The following STMND1 variants were observed in gnomAD, a reference collection of about 807,000 sequenced individuals.
The protein encoded by STMND1 is stathmin domain containing 1.
STMND1 carries 17 observed loss-of-function variants against 23.0 expected under a neutral mutation model. The observed-to-expected ratio is 0.74, with a 90% CI of 0.51 to 1.11. The LOEUF (loss-of-function observed/expected upper bound fraction) is 1.11, where lower values mean the gene tolerates loss of function less well. Among genes scored for constraint, STMND1 ranks in the 50% least tolerant of loss-of-function variants. STMND1 has a pLI of 0.00. For missense variants in STMND1, 305 were observed against 329.1 expected (o/e 0.93, Z 0.57); for synonymous variants, 114 against 119.9 (o/e 0.95, Z 0.32).
chr6:17,127,511 A>G (rs1045390494), intron 3 of STMND1, among the ~76,000 whole-genome samples: 1 of 152,108 alleles, frequency 6.6e-6, no homozygotes, highest in Non-Finnish European at 1.5e-5. Flanking sequence ...GATCGTGTCA[A>G]TGCACTCCAG....
At chr6:17,103,595 G>A (rs530718386) in intron 1 of STMND1, among the ~76,000 whole-genome samples, 1 of 121,248 alleles carries the variant, frequency 8.2e-6, no homozygotes, top group African/African-American at 3.3e-5. Flanking sequence ...TTTTTGAGAC[G>A]GAGTCTTGCT....
At chr6:17,119,221 C>T (rs933974358) in intron 2 of STMND1, among the ~76,000 whole-genome samples, 1 of 152,154 alleles carries the variant, frequency 6.6e-6, no homozygotes, top group African/African-American at 2.4e-5. Context: ...CAGCACTGGA[C>T]AGATACTAAG....
intron 2 of STMND1, among the ~76,000 whole-genome samples, chr6:17,115,957 T>G (rs1761153843): frequency 6.6e-6 from 1 of 152,234 alleles, no homozygotes; most frequent in African/African-American, 2.4e-5. Context: ...CAGCGTGACC[T>G]CAGAGAATGA....
chr6:17,110,662 G>A, intron 1 of STMND1: 1 of 364,240 alleles, frequency 2.7e-6, no homozygotes, highest in Non-Finnish European at 5.4e-6. Context: ...CAGCTACTCA[G>A]AAGGCTGAGG....
chr6:17,122,347 T>C (rs1257631730), intron 3 of STMND1, among the ~76,000 whole-genome samples: 2 of 150,342 alleles, frequency 1.3e-5, no homozygotes, highest in Non-Finnish European at 3.0e-5. Flanking sequence ...GAAATAACAA[T>C]GAAAAGAAGC....
At position 17,130,761 on chromosome 6, in the gene STMND1, A is replaced by G; in HGVS notation, c.711A>G (p.Pro237=). The change falls in exon 5 of 5, where the codon CCA becomes CCG. Residue 237 remains proline, a synonymous_variant. Coordinates refer to ENST00000536551, the MANE Select transcript of STMND1 (RefSeq NM_001190766.2). ...CATCTGACCTGCAGGGAGGAAAACC[A>G]TTGAAGAGGAAGAAGAGTAAATGTG... ...FEPSDLQGGK[P]LKRKKSKCDA... 6.5e-7 allele frequency: 1 copy of G among 1,536,110 alleles called. No individual in the cohort carries two copies. Among genetic ancestry groups the G allele is most frequent in the South Asian group, 1.2e-5 (1 of 84,058 alleles).
chr6:17,108,260 TA>T (rs564736864), intron 1 of STMND1, among the ~76,000 whole-genome samples: 183 of 152,350 alleles, frequency 1.2e-3, no homozygotes, highest in African/African-American at 3.9e-3. Context: ...TTGTGGTATT[TA>T]AATCTATGCC....
At chr6:17,116,130 G>A (rs1761156371) in intron 2 of STMND1, among the ~76,000 whole-genome samples, 4 of 152,168 alleles carry the variant, frequency 2.6e-5, no homozygotes, top group African/African-American at 4.8e-5. Context: ...ACTGCAGAGC[G>A]TCAGGCAGAC....
rs909174589 is a variant in STMND1, at chr6:17,131,043, A to G, written c.*162A>G. The G allele has an allele frequency of 8.2e-6, 5 of 610,272 alleles. No individual in the cohort carries two copies. Among genetic ancestry groups the G allele is most frequent in the Admixed American group, 6.7e-5 (2 of 29,634 alleles). 37.8% of individuals were successfully genotyped at this position (610,272 alleles called of 1,614,324 possible). ...TGCACAGGCTGAAGGTTAGTTGAGT[A>G]AATTAAGTAGCTATGCTAGCTTTTA... On this transcript the variant is annotated 3_prime_UTR_variant, in exon 5 of 5. Transcript: ENST00000536551.
chr6:17,128,853 C>T (rs551909428), intron 3 of STMND1: 164 of 296,254 alleles, frequency 5.5e-4, no homozygotes, highest in Admixed American at 1.4e-3. Flanking sequence ...GCTGGGACTA[C>T]GGGCACACAC....
At chr6:17,116,125 A>G (rs1313623315) in intron 2 of STMND1, among the ~76,000 whole-genome samples, 2 of 152,232 alleles carry the variant, frequency 1.3e-5, no homozygotes, top group Admixed American at 6.5e-5. Context: ...CACAGACTGC[A>G]GAGCGTCAGG....
chr6:17,121,889 G>A (rs1761238220), intron 3 of STMND1, among the ~76,000 whole-genome samples: 1 of 146,990 alleles, frequency 6.8e-6, no homozygotes, highest in African/African-American at 2.5e-5. Context: ...TTGAGATGGA[G>A]TCTTGCTTTG....
At chr6:17,123,445 CTT>C (rs770602089) in intron 3 of STMND1, among the ~76,000 whole-genome samples, 4 of 152,138 alleles carry the variant, frequency 2.6e-5, no homozygotes, top group Non-Finnish European at 5.9e-5. Flanking sequence ...ACACAGCTCT[CTT>C]GTTTCATCGC....
At chr6:17,115,191 C>G (rs1761142612) in intron 2 of STMND1, 52 bp downstream of exon 2, 1 of 1,474,046 alleles carries the variant, frequency 6.8e-7, no homozygotes, top group Non-Finnish European at 9.0e-7. Flanking sequence ...TACTGTTTCT[C>G]TAAATACGTT....
At chr6:17,113,832 A>G (rs998692985) in intron 1 of STMND1, among the ~76,000 whole-genome samples, 2 of 152,162 alleles carry the variant, frequency 1.3e-5, no homozygotes, top group Non-Finnish European at 2.9e-5. Context: ...TTAATACCAT[A>G]GTACCTCTAC....
intron 2 of STMND1, among the ~76,000 whole-genome samples, chr6:17,116,596 T>C (rs1365656971): frequency 6.6e-6 from 1 of 152,016 alleles, no homozygotes; most frequent in Non-Finnish European, 1.5e-5. Flanking sequence ...TGCGCCACCA[T>C]GTCCAGCTAA....
chr6:17,120,726 G>A lies in STMND1; in HGVS notation c.379G>A (p.Val127Ile). 6.5e-7 allele frequency: 1 copy of A among 1,532,546 alleles called. No homozygotes were observed. The highest frequency in any genetic ancestry group is 1.4e-5 in the African/African-American group (1 of 72,920). The allele number at this position is 1,532,546 out of a possible 1,614,324, so 94.9% of individuals were successfully genotyped here. Reference sequence around the variant, plus strand: ...AGGAATTATACAAAGCCACAGCAAAGTATTTAGAAATGGAGAATCATATGA... The same window carrying A: ...AGGAATTATACAAAGCCACAGCAAAATATTTAGAAATGGAGAATCATATGA... ...VQGIIQSHSK[V>I]FRNGESYDVT... is the part of the protein sequence containing the mutation. The change falls in exon 3 of 5, where the codon GTA becomes ATA. Residue 127 changes from valine to isoleucine, a missense_variant. Physicochemically the swap from Val to Ile is conservative, Grantham distance 29. Transcript: ENST00000536551.
At chr6:17,106,731 G>A (rs1016052407) in intron 1 of STMND1, among the ~76,000 whole-genome samples, 1 of 152,178 alleles carries the variant, frequency 6.6e-6, no homozygotes, top group Non-Finnish European at 1.5e-5. Flanking sequence ...AAAATGAAAT[G>A]AACGTGTTTG....
At chr6:17,107,825 C>A (rs1761046854) in intron 1 of STMND1, among the ~76,000 whole-genome samples, 1 of 152,158 alleles carries the variant, frequency 6.6e-6, no homozygotes, top group Non-Finnish European at 1.5e-5. Flanking sequence ...AGGTATACTT[C>A]CTACTGGTGT....
Sources: gnomAD v4.1 joint callset for allele counts (sites outside exome capture counted in the v4.1 genomes callset) on GRCh38, gnomAD v4.1.1 for gene constraint, MANE v1.5 for transcripts, NCBI Gene and HGNC (gene_info 2026-07-23, HGNC 2026-07-21) for gene names.